AADACL3: variants seen among roughly 807,000 people sequenced by gnomAD.
The protein encoded by AADACL3 is arylacetamide deacetylase-like 3.
AADACL3 carries 13 observed loss-of-function variants against 13.6 expected under a neutral mutation model. The observed-to-expected ratio is 0.95, with a 90% CI of 0.62 to 1.52. The LOEUF (loss-of-function observed/expected upper bound fraction) is 1.52, where lower values mean the gene tolerates loss of function less well. Among genes scored for constraint, AADACL3 ranks in the 40% most tolerant of loss-of-function variants. The pLI is 0.00. For synonymous variants in AADACL3, 195 were observed against 197.0 expected (o/e 0.99, Z 0.08); for missense variants, 519 against 499.2 (o/e 1.04, Z -0.38).
At chr1:12,721,769 G>GAAAAAC (rs1213205495) in intron 3 of AADACL3, among the ~76,000 whole-genome samples, 2 of 152,164 alleles carry the variant, frequency 1.3e-5, no homozygotes. Flanking sequence ...AAGAAAGTGA[G>GAAAAAC]AAAAACAAAA....
At chr1:12,719,357 T>C in intron 1 of AADACL3, 118 bp from the exon 2 acceptor site, 1 of 907,440 alleles carries the variant, frequency 1.1e-6, no homozygotes, top group South Asian at 1.5e-5. Context: ...TAATCCAATC[T>C]GACTGCAGTT....
chr1:12,719,607 C>T lies in AADACL3; in HGVS notation c.301C>T (p.Leu101=). Residue 101 remains leucine (L), a synonymous_variant, in exon 2 of 4, where the codon CTG becomes TTG. Transcript: ENST00000359318. ...DFRFGTIPVK[L]YQPKASTCTL... is the part of the protein sequence containing the mutation. ...CCGCTTTGGGACAATCCCTGTGAAG[C>T]TGTACCAACCCAAGGCATCCACCTG... The T allele has an allele frequency of 6.2e-7, 1 of 1,614,194 alleles. No homozygotes were observed. Among genetic ancestry groups the T allele is most frequent in the East Asian group, 2.2e-5 (1 of 44,890 alleles).
chr1:12,718,813 C>G (rs1339032653), intron 1 of AADACL3, among the ~76,000 whole-genome samples: 1 of 152,162 alleles, frequency 6.6e-6, no homozygotes, highest in African/African-American at 2.4e-5. Flanking sequence ...ATTTTCAACC[C>G]TTTATGCAAA....
At chr1:12,722,647 G>A (rs1046222500) in intron 3 of AADACL3, among the ~76,000 whole-genome samples, 2 of 151,814 alleles carry the variant, frequency 1.3e-5, no homozygotes, top group African/African-American at 2.4e-5. Flanking sequence ...GCTGATGGAA[G>A]TTTTGTTTGT....
intron 3 of AADACL3, 146 bp from the exon 4 acceptor site, chr1:12,725,076 C>T (rs1360521928): frequency 1.2e-6 from 1 of 815,336 alleles, no homozygotes; most frequent in Non-Finnish European, 1.9e-6. Context: ...TTATGTGTCT[C>T]ATCTCATTTA....
At chr1:12,716,944 C>G (rs1648449982) in intron 1 of AADACL3, among the ~76,000 whole-genome samples, 1 of 152,168 alleles carries the variant, frequency 6.6e-6, no homozygotes, top group East Asian at 1.9e-4. Context: ...TATGTTGTTG[C>G]TTTTGAGAGC....
chr1:12,719,360 C>T lies in AADACL3; in HGVS notation c.169-115C>T, dbSNP rs1648514534. 3 of 929,466 alleles carry T rather than the reference C, an allele frequency of 3.2e-6. No individual in the cohort carries two copies. The Admixed American group carries it at 5.4e-5, about 17-fold the overall frequency. The allele number at this position is 929,466 out of a possible 1,614,324, so 57.6% of individuals were successfully genotyped here. ...TGAGTAGGGCTGTAATCCAATCTGA[C>T]TGCAGTTTCCAAAAACTCCTTTTGC... is the stretch of plus-strand genomic sequence containing the variant. On this transcript the variant is annotated intron_variant, in intron 1 of 3. Coordinates refer to ENST00000359318, the MANE Select transcript of AADACL3 (RefSeq NM_001103170.3).
intron 1 of AADACL3, 70 bp downstream of exon 1, chr1:12,716,414 G>A (rs1028337112): frequency 1.0e-5 from 16 of 1,597,002 alleles, no homozygotes; most frequent in African/African-American, 6.7e-5. Context: ...ATCACACACC[G>A]GAAGCTTCTA....
intron 1 of AADACL3, among the ~76,000 whole-genome samples, chr1:12,717,051 T>G (rs538375455): frequency 6.6e-6 from 1 of 152,362 alleles, no homozygotes; most frequent in South Asian, 2.1e-4. Flanking sequence ...CAATACGGAT[T>G]TCTTGTACTT....
chr1:12,719,526 T>A lies in AADACL3; in HGVS notation c.220T>A (p.Phe74Ile). 1.2e-6 allele frequency: 2 copies of A among 1,614,160 alleles called. No individual in the cohort carries two copies. Among genetic ancestry groups the A allele is most frequent in the South Asian group, 2.2e-5 (2 of 91,076 alleles). ...RICSMPQFFCFMQDLPPLKYD... is the reference protein window; with the variant it reads ...RICSMPQFFCIMQDLPPLKYD... ...CTGTTCTATGCCCCAATTTTTCTGT[T>A]TCATGCAAGATCTGCCTCCGCTAAA... is the stretch of plus-strand genomic sequence containing the variant. Residue 74 changes from phenylalanine to isoleucine, a missense_variant, in exon 2 of 4, where the codon TTC becomes ATC. By Grantham distance (21) the Phe-to-Ile change is conservative. Coordinates refer to ENST00000359318, the MANE Select transcript of AADACL3 (RefSeq NM_001103170.3).
Position 12,725,300 on chromosome 1 carries a change from C to T in AADACL3, c.528C>T (p.Ser176=). ...CLVATIHFLK[S]LDAYGVDPAR... is the part of the protein sequence containing the mutation. ...TGGCCACCATCCACTTCCTGAAGTC[C>T]CTGGATGCATATGGAGTGGATCCAG... Residue 176 remains serine, a synonymous_variant, in exon 4 of 4, where the codon TCC becomes TCT. Transcript: ENST00000359318. 2 of 1,614,028 alleles carry T rather than the reference C, an allele frequency of 1.2e-6. No homozygotes were observed. The highest frequency in any genetic ancestry group is 1.1e-5 in the South Asian group (1 of 91,058).
intron 1 of AADACL3, among the ~76,000 whole-genome samples, chr1:12,717,795 C>T (rs747169853): frequency 2.2e-4 from 33 of 152,108 alleles, no homozygotes; most frequent in Non-Finnish European, 3.4e-4. Context: ...CTTGAGCCCC[C>T]GGGGCCACAG....
rs772600564 is a variant in AADACL3, at chr1:12,725,286, C to A, written c.514C>A (p.His172Asn). 1 of 1,613,892 alleles carries A rather than the reference C, an allele frequency of 6.2e-7. No individual in the cohort carries two copies. Among genetic ancestry groups the A allele is most frequent in the Non-Finnish European group, 8.5e-7 (1 of 1,179,922 alleles). Residue 172 changes from histidine (H) to asparagine (N), a missense_variant, in exon 4 of 4, where the codon CAC (histidine) becomes AAC (asparagine). His to Asn is a moderately conservative substitution (Grantham distance 68, BLOSUM62 1). Transcript: ENST00000359318. ...PVRDCLVATIHFLKSLDAYGV... is the reference protein window; with the variant it reads ...PVRDCLVATINFLKSLDAYGV... ...AAGAGACTGCTTGGTGGCCACCATC[C>A]ACTTCCTGAAGTCCCTGGATGCATA...
intron 3 of AADACL3, among the ~76,000 whole-genome samples, chr1:12,721,921 G>A (rs1436084981): frequency 6.6e-6 from 1 of 152,198 alleles, no homozygotes; most frequent in Non-Finnish European, 1.5e-5. Context: ...TCCTGGTTAA[G>A]TTTCCCTGTA....
Position 12,726,033 on chromosome 1 carries a change from C to A in AADACL3, c.*37C>A. The A allele has an allele frequency of 6.4e-7, 1 of 1,564,508 alleles. No individual in the cohort carries two copies. Among genetic ancestry groups the A allele is most frequent in the East Asian group, 2.2e-5 (1 of 44,516 alleles). ...CTCTGCTGGTACTGCGGTGTGGATT[C>A]CACTGGCATCCAGCCTCCCACAGGG... On this transcript the variant is annotated 3_prime_UTR_variant, in exon 4 of 4. Transcript: ENST00000359318.
At chr1:12,722,069 C>T (rs565910199) in intron 3 of AADACL3, among the ~76,000 whole-genome samples, 9 of 152,246 alleles carry the variant, frequency 5.9e-5, no homozygotes, top group East Asian at 3.9e-4. Context: ...CAGTGGCTCA[C>T]GCTTGTAATC....
intron 3 of AADACL3, 74 bp from the exon 4 acceptor site, chr1:12,725,148 G>A (rs747725330): frequency 4.1e-6 from 6 of 1,463,122 alleles, no homozygotes; most frequent in Non-Finnish European, 4.6e-6. Flanking sequence ...ACTAATTTGG[G>A]CTAAAAGATG....
At chr1:12,718,035 G>A (rs891613698) in intron 1 of AADACL3, among the ~76,000 whole-genome samples, 5 of 152,076 alleles carry the variant, frequency 3.3e-5, no homozygotes, top group Admixed American at 2.0e-4. Flanking sequence ...TTGCCTATTA[G>A]ATATTGCGAA....
At chr1:12,725,099 A>C (rs1638337706) in intron 3 of AADACL3, 123 bp from the exon 4 acceptor site, 1 of 1,083,910 alleles carries the variant, frequency 9.2e-7, no homozygotes, top group African/African-American at 1.6e-5. Flanking sequence ...CCTCACACCT[A>C]ACTTTAACTG....
Sources: gnomAD v4.1 joint callset for allele counts (sites outside exome capture counted in the v4.1 genomes callset) on GRCh38, gnomAD v4.1.1 for gene constraint, MANE v1.5 for transcripts, NCBI Gene and HGNC (gene_info 2026-07-23, HGNC 2026-07-21) for gene names.